Variants in ST3GAL1 observed in about 807,000 individuals in gnomAD.
ST3GAL1 encodes the protein CMP-N-acetylneuraminate-beta-galactosamide-alpha-2,3-sialyltransferase 1.
ST3GAL1 carries 16 observed loss-of-function variants against 34.1 expected under a neutral mutation model. The observed-to-expected ratio is 0.47, with a 90% CI of 0.32 to 0.71. The LOEUF is 0.71. Ranked by LOEUF, ST3GAL1 falls within the 30% of genes least tolerant of loss-of-function variation. The pLI is 0.04. For missense variants in ST3GAL1, 353 were observed against 447.4 expected, an observed-to-expected ratio of 0.79 and a Z score of 1.90; for synonymous variants, 191 against 184.7, an observed-to-expected ratio of 1.03 and a Z score of -0.28.
rs1026607901 is a variant in ST3GAL1, at chr8:133,456,834, T to C, written c.*2930A>G. The C allele has an allele frequency of 6.6e-6, 1 of 152,192 alleles. No homozygotes were observed. The highest frequency in any genetic ancestry group is 1.5e-5 in the Non-Finnish European group (1 of 68,044). 9.4% of individuals were successfully genotyped at this position (152,192 alleles called of 1,614,324 possible). A position where few individuals can be genotyped will look rare whatever the true frequency, so the allele number is the denominator to read the frequency against. On this transcript the variant is annotated 3_prime_UTR_variant, in exon 10 of 10. Coordinates refer to ENST00000522652, the MANE Select transcript of ST3GAL1 (RefSeq NM_173344.3). Reference sequence around the variant, plus strand: ...CCATTCTGGTTACACTTTTTCCAGATGCTGAATGGAGACTCGCTGGGAAAG... The same window carrying C: ...CCATTCTGGTTACACTTTTTCCAGACGCTGAATGGAGACTCGCTGGGAAAG...
intron 1 of ST3GAL1, among the ~76,000 whole-genome samples, chr8:133,569,115 C>G (rs1334585513): frequency 6.6e-6 from 1 of 152,186 alleles, no homozygotes; most frequent in African/African-American, 2.4e-5. Flanking sequence ...TCTCTCTCAC[C>G]CTGGGTGGGG....
At chr8:133,486,719 A>G (rs751149713) in intron 3 of ST3GAL1, among the ~76,000 whole-genome samples, 3 of 152,170 alleles carry the variant, frequency 2.0e-5, no homozygotes, top group Non-Finnish European at 4.4e-5. Flanking sequence ...GCCAGCCAGC[A>G]ACTGTGCTGC....
chr8:133,512,451 C>G (rs529068432), intron 2 of ST3GAL1, among the ~76,000 whole-genome samples: 10 of 152,362 alleles, frequency 6.6e-5, no homozygotes, highest in African/African-American at 2.4e-4. Context: ...GAGGGTGGGT[C>G]TGCCTCTCCC....
At chr8:133,568,760 G>A (rs975814862) in intron 1 of ST3GAL1, among the ~76,000 whole-genome samples, 1 of 152,074 alleles carries the variant, frequency 6.6e-6, no homozygotes, top group Admixed American at 6.5e-5. Context: ...GCCCTTCCTT[G>A]GGTAATGTCA....
intron 2 of ST3GAL1, among the ~76,000 whole-genome samples, chr8:133,518,879 G>C (rs1484203046): frequency 6.6e-6 from 1 of 152,248 alleles, no homozygotes; most frequent in Non-Finnish European, 1.5e-5. Flanking sequence ...CACAGAGCCT[G>C]TAGGTGCTGG....
At chr8:133,512,101 A>T (rs974329043) in intron 2 of ST3GAL1, among the ~76,000 whole-genome samples, 1 of 152,116 alleles carries the variant, frequency 6.6e-6, no homozygotes, top group African/African-American at 2.4e-5. Flanking sequence ...ACACCATCAC[A>T]AGGTAAAGTC....
intron 1 of ST3GAL1, among the ~76,000 whole-genome samples, chr8:133,549,576 T>C (rs1044141501): frequency 3.9e-5 from 6 of 152,184 alleles, no homozygotes; most frequent in African/African-American, 1.4e-4. Flanking sequence ...AATTCTTTCA[T>C]TGGTCTTAAG....
chr8:133,493,981 G>T (rs1023920349), intron 3 of ST3GAL1, among the ~76,000 whole-genome samples: 1 of 152,064 alleles, frequency 6.6e-6, no homozygotes, highest in Non-Finnish European at 1.5e-5. Flanking sequence ...CCAGGAAGAC[G>T]CTGGCAGGCA....
chr8:133,495,622 G>A lies in ST3GAL1; in HGVS notation c.-374+3513C>T, dbSNP rs564690118. ...TCTGACTGCTCTGTACCTGGGTTGG[G>A]TTTGCAGCAACCAATCCTGAGACAT... On this transcript the variant is annotated intron_variant, in intron 3 of 9. Transcript: ENST00000522652. 5.9e-5 allele frequency among the ~76,000 whole-genome samples: 9 copies of A among 152,298 alleles called. No homozygotes were observed. The South Asian group carries it at 1.9e-3, about 32-fold the overall frequency.
At chr8:133,549,231 T>C (rs904477617) in intron 1 of ST3GAL1, among the ~76,000 whole-genome samples, 2 of 151,032 alleles carry the variant, frequency 1.3e-5, no homozygotes, top group Non-Finnish European at 3.0e-5. Context: ...AGAAACCCTG[T>C]CTCTACTAAA....
At chr8:133,540,890 T>TAGAGAC (rs1425179686) in intron 2 of ST3GAL1, among the ~76,000 whole-genome samples, 3 of 135,302 alleles carry the variant, frequency 2.2e-5, no homozygotes, top group South Asian at 4.7e-4. Flanking sequence ...GAGACATATA[T>TAGAGAC]ATAGACATAT....
At chr8:133,525,558 C>G (rs943805622) in intron 2 of ST3GAL1, among the ~76,000 whole-genome samples, 2 of 152,136 alleles carry the variant, frequency 1.3e-5, no homozygotes, top group African/African-American at 4.8e-5. Context: ...TGCCCAGGAG[C>G]CTGTCTGCCT....
intron 1 of ST3GAL1, among the ~76,000 whole-genome samples, chr8:133,551,359 T>G (rs1312438810): frequency 6.6e-6 from 1 of 151,738 alleles, no homozygotes; most frequent in Non-Finnish European, 1.5e-5. Flanking sequence ...TCCCAGCTAC[T>G]GAGGAGGCTG....
intron 2 of ST3GAL1, among the ~76,000 whole-genome samples, chr8:133,517,481 C>T (rs1586635081): frequency 6.6e-6 from 1 of 152,200 alleles, no homozygotes; most frequent in Admixed American, 6.5e-5. Flanking sequence ...TCCCAAGTAG[C>T]TGGGACTACA....
chr8:133,551,541 GGAAAGAAAGAAAGAAAGAAAGAAAGAAA>G (rs10522087), intron 1 of ST3GAL1, among the ~76,000 whole-genome samples: 79 of 91,972 alleles, frequency 8.6e-4, no homozygotes, highest in Middle Eastern at 4.9e-3. Context: ...AGAAAGAGAA[GGAAAGAAAGAAAGAAAGAAAGAAAGAAA>G]GAAAGAAAGA....
chr8:133,460,415 T>C (rs1272921018), intron 9 of ST3GAL1, among the ~76,000 whole-genome samples: 2 of 152,122 alleles, frequency 1.3e-5, no homozygotes, highest in African/African-American at 4.8e-5. Flanking sequence ...ATCTGGAAAA[T>C]GGGTCCAAGA....
At chr8:133,481,752 TC>T (rs1472680499) in intron 3 of ST3GAL1, among the ~76,000 whole-genome samples, 2 of 151,054 alleles carry the variant, frequency 1.3e-5, no homozygotes, top group Non-Finnish European at 2.9e-5. Flanking sequence ...CACCTCGGCC[TC>T]CCAAAGTGCT....
At chr8:133,478,249 T>C (rs1477656704) in intron 3 of ST3GAL1, among the ~76,000 whole-genome samples, 2 of 152,238 alleles carry the variant, frequency 1.3e-5, no homozygotes, top group Non-Finnish European at 2.9e-5. Flanking sequence ...CACAATTCAC[T>C]TGACTGGCAG....
rs1458613421 is a variant in ST3GAL1 at position 133,456,160 on chromosome 8, C to T, written c.*3604G>A. On this transcript the variant is annotated 3_prime_UTR_variant, in exon 10 of 10. Coordinates refer to ENST00000522652, the MANE Select transcript of ST3GAL1 (RefSeq NM_173344.3). ...ATTCATCCATTTATGAACTTTCTTC[C>T]AGCCCAGGATCCCTGCAGAGAACCA... 2.6e-5 allele frequency: 4 copies of T among 152,208 alleles called. No homozygotes were observed. The highest frequency in any genetic ancestry group is 2.1e-4 in the South Asian group (1 of 4,834). 9.4% of individuals were successfully genotyped at this position (152,208 alleles called of 1,614,324 possible).
Sources: allele counts gnomAD v4.1 joint callset (sites outside exome capture counted in the v4.1 genomes callset), GRCh38; gene constraint gnomAD v4.1.1; transcripts MANE v1.5; gene names NCBI Gene and HGNC (gene_info 2026-07-23, HGNC 2026-07-21).